SLC19A3: variants seen among roughly 807,000 people sequenced by gnomAD.
SLC19A3 encodes solute carrier family 19 member 3.
A neutral mutation model predicts 40.2 loss-of-function variants in SLC19A3; 31 were observed. That is an observed-to-expected ratio of 0.77 (90% CI 0.58 to 1.04). The LOEUF (loss-of-function observed/expected upper bound fraction) is 1.04. Ranked by LOEUF, SLC19A3 falls within the 50% of genes least tolerant of loss-of-function variation. The probability of loss-of-function intolerance (pLI) is 0.00; values close to 1 mark genes in which losing one functional copy is unlikely to be tolerated. For missense variants in SLC19A3, 592 were observed against 596.7 expected (o/e 0.99, Z 0.08); for synonymous variants, 212 against 227.5 (o/e 0.93, Z 0.61).
rs1338153783 is a variant in SLC19A3, at chr2:227,687,431, T to C, written c.1457A>G (p.Glu486Gly). Reference sequence around the variant, plus strand: ...TGTTGACATGATGATATTACTCTCTTCCTCTGGGTGAGACACATCTGGATT... The same window carrying C: ...TGTTGACATGATGATATTACTCTCTCCCTCTGGGTGAGACACATCTGGATT... Reference protein sequence around the residue: ...SENPDVSHPEEESNIIMSTKL With the variant: ...SENPDVSHPEGESNIIMSTKL Residue 486 changes from glutamate (E) to glycine (G), a missense_variant, in exon 6 of 6, where the codon GAA becomes GGA. By Grantham distance (98) the Glu-to-Gly change is moderately conservative (BLOSUM62 -2). Coordinates refer to ENST00000644224, the MANE Select transcript of SLC19A3 (RefSeq NM_025243.4). 6.2e-7 allele frequency: 1 copy of C among 1,613,646 alleles called. No homozygotes were observed. The highest frequency in any genetic ancestry group is 1.7e-5 in the Admixed American group (1 of 59,966).
At chr2:227,714,956 ACCACAG>A (rs1696282476) in intron 1 of SLC19A3, among the ~76,000 whole-genome samples, 1 of 151,464 alleles carries the variant, frequency 6.6e-6, no homozygotes, top group Non-Finnish European at 1.5e-5. Flanking sequence ...AGTAGCTGAG[ACCACAG>A]GCACCCGCCA....
intron 4 of SLC19A3, among the ~76,000 whole-genome samples, chr2:227,688,847 G>C: frequency 6.6e-6 from 1 of 152,110 alleles, no homozygotes. Context: ...CAAAATAGCT[G>C]TGTTAAGAAA....
chr2:227,687,546 C>T lies in SLC19A3; in HGVS notation c.1342G>A (p.Val448Ile), dbSNP rs753688316. 6.2e-7 allele frequency: 1 copy of T among 1,614,008 alleles called. No homozygotes were observed. The highest frequency in any genetic ancestry group is 2.2e-5 in the East Asian group (1 of 44,868). Reference sequence around the variant, plus strand: ...CTCATTAGGAAAATTCCAGCAATTACTGCAAAATAGCTCCCATAAACTAAA... The same window carrying T: ...CTCATTAGGAAAATTCCAGCAATTATTGCAAAATAGCTCCCATAAACTAAA... ...QFLVYGSYFA[V>I]IAGIFLMRSM... Residue 448 changes from valine (V) to isoleucine (I), a missense_variant, in exon 6 of 6, where the codon GTA becomes ATA. By Grantham distance (29) the Val-to-Ile change is conservative (BLOSUM62 3). Coordinates refer to ENST00000644224, the MANE Select transcript of SLC19A3 (RefSeq NM_025243.4).
rs907124688 is a variant in SLC19A3, at chr2:227,703,420, C to T, written c.-2-1100G>A. Among the ~76,000 whole-genome samples the T allele has an allele frequency of 1.3e-5, 2 of 152,080 alleles. No homozygotes were observed. Among genetic ancestry groups the T allele is most frequent in the South Asian group, 2.1e-4 (1 of 4,820 alleles). ...ACCCTACCCTTTCCCAAGGTGACCC[C>T]GACAGCTGCATAATTCCTCTCTTAA... On this transcript the variant is annotated intron_variant, in intron 1 of 5. Coordinates refer to ENST00000644224, the MANE Select transcript of SLC19A3 (RefSeq NM_025243.4). This position sits in a 1 kb window ranked among gnomAD's most constrained non-coding sequence, Gnocchi z 4.7.
intron 1 of SLC19A3, among the ~76,000 whole-genome samples, chr2:227,715,917 C>T (rs12104837): frequency 1.4e-5 from 2 of 140,888 alleles, no homozygotes; most frequent in African/African-American, 5.3e-5. Context: ...AGCCACTGCA[C>T]TCCAGCCTGG....
intron 3 of SLC19A3, among the ~76,000 whole-genome samples, chr2:227,698,535 G>A (rs1695531408): frequency 6.6e-6 from 1 of 152,076 alleles, no homozygotes; most frequent in African/African-American, 2.4e-5. Flanking sequence ...TCCTGAAATC[G>A]TGATCCACGC....
Position 227,695,957 on chromosome 2 carries a change from A to G in SLC19A3, c.1104T>C (p.Asn368=), listed in dbSNP as rs767338710. Residue 368 remains asparagine, a synonymous_variant, in exon 4 of 6, where the codon AAT becomes AAC. Transcript: ENST00000644224. ...GSLFLMHYTA[N]IWACYAGYLI... ...AATAGCCAGCATAGCACGCCCAGAT[A>G]TTGGCTGTGTAATGCATGAGAAATA... 2.5e-5 allele frequency: 41 copies of G among 1,614,078 alleles called. No homozygotes were observed. Among genetic ancestry groups the G allele is most frequent in the Non-Finnish European group, 3.2e-5 (38 of 1,180,044 alleles).
At chr2:227,702,120 C>G in intron 2 of SLC19A3, 49 bp downstream of exon 2, 1 of 1,483,974 alleles carries the variant, frequency 6.7e-7, no homozygotes, top group Non-Finnish European at 9.4e-7. Context: ...TGTTCAAGTC[C>G]CATAAAATTT....
In SLC19A3 at chr2:227,696,043, T is replaced by G. The variant is rs1695423310; in HGVS notation, c.1018A>C (p.Asn340His). The G allele has an allele frequency of 6.2e-7, 1 of 1,613,732 alleles. No homozygotes were observed. The highest frequency in any genetic ancestry group is 2.2e-5 in the East Asian group (1 of 44,842). Residue 340 changes from asparagine to histidine, a missense_variant, in exon 4 of 6, where the codon AAC becomes CAC. Transcript: ENST00000644224. ...AAFAVGYVKVNWDLLGELALV... is the reference protein window; with the variant it reads ...AAFAVGYVKVHWDLLGELALV... ...GCCAGCTCTCCCAGAAGGTCCCAGT[T>G]GACTTTCACATAACCCACTGCAAAG...
chr2:227,693,495 T>A (rs1029190043), intron 4 of SLC19A3, among the ~76,000 whole-genome samples: 5 of 152,166 alleles, frequency 3.3e-5, no homozygotes, highest in African/African-American at 1.2e-4. Context: ...GAAAAGACAG[T>A]CTCTTCAACA....
chr2:227,706,217 T>C, intron 1 of SLC19A3: 5 of 738,036 alleles, frequency 6.8e-6, no homozygotes, highest in Non-Finnish European at 9.3e-6. Context: ...TTTGATCCCG[T>C]CATATTATCC....
chr2:227,696,732 T>C (rs951399567), intron 3 of SLC19A3, among the ~76,000 whole-genome samples: 1 of 152,196 alleles, frequency 6.6e-6, no homozygotes, highest in African/African-American at 2.4e-5. Flanking sequence ...TGACAGTAAT[T>C]AGGGTTAGCA....
At position 227,696,127 on chromosome 2, in the gene SLC19A3, C is replaced by A. The variant is rs183152800; in HGVS notation, c.980-46G>T. On this transcript the variant is annotated intron_variant, in intron 3 of 5. Coordinates refer to ENST00000644224, the MANE Select transcript of SLC19A3 (RefSeq NM_025243.4). ...CAATCAAACATAATGACTTTGCATG[C>A]AGGAAAATATCAACACCCTCTCTTA... The A allele has an allele frequency of 2.6e-4, 413 of 1,584,054 alleles. 3 individuals are homozygous for A. The East Asian group carries it at 8.0e-3, about 31-fold the overall frequency.
intron 2 of SLC19A3, chr2:227,701,571 A>G (rs1695690495): frequency 6.4e-6 from 1 of 156,216 alleles, no homozygotes; most frequent in African/African-American, 2.4e-5. Flanking sequence ...GCAGTGAGCC[A>G]AAATCACCCC....
intron 4 of SLC19A3, among the ~76,000 whole-genome samples, chr2:227,690,099 C>T (rs1188934515): frequency 2.0e-5 from 3 of 152,018 alleles, no homozygotes; most frequent in African/African-American, 7.2e-5. Flanking sequence ...CACTGCAAAA[C>T]CAGAAAAGAA....
chr2:227,699,992 C>T (rs1695618195), intron 2 of SLC19A3, among the ~76,000 whole-genome samples: 1 of 151,950 alleles, frequency 6.6e-6, no homozygotes. Context: ...ATTCTCCCAT[C>T]TCAGCCTCCT....
At chr2:227,701,700 T>C (rs1319570997) in intron 2 of SLC19A3, 2 of 153,196 alleles carry the variant, frequency 1.3e-5, no homozygotes, top group East Asian at 3.8e-4. Context: ...TAAGAGAAAC[T>C]GGCATTCCAG....
At chr2:227,711,918 C>T (rs1442111785) in intron 1 of SLC19A3, among the ~76,000 whole-genome samples, 1 of 151,780 alleles carries the variant, frequency 6.6e-6, no homozygotes, top group East Asian at 1.9e-4. Flanking sequence ...GGCGTGGTGG[C>T]ACAAGCCTGT....
At chr2:227,717,821 C>G (rs1696382794) in intron 1 of SLC19A3, 122 bp downstream of exon 1, 14 of 772,534 alleles carry the variant, frequency 1.8e-5, no homozygotes, top group Non-Finnish European at 2.2e-5. Flanking sequence ...GAGTGTAGCC[C>G]AGGCCCGCAG....
Sources: gnomAD v4.1 joint callset for allele counts (sites outside exome capture counted in the v4.1 genomes callset) on GRCh38, gnomAD v4.1.1 for gene constraint, Gnocchi (gnomAD v3.1) non-coding constraint, MANE v1.5 for transcripts, NCBI Gene and HGNC (gene_info 2026-07-23, HGNC 2026-07-21) for gene names.